LTF: variants seen among roughly 807,000 people sequenced by gnomAD.
LTF encodes the protein epididymis luminal protein 110.
LTF carries 91 observed loss-of-function variants against 87.2 expected under a neutral mutation model. The ratio of observed to expected loss-of-function variants is 1.04; its 90% CI spans 0.88 to 1.24. The LOEUF is 1.24. Among genes scored for constraint, LTF ranks in the 50% most tolerant of loss-of-function variants. The probability of loss-of-function intolerance (pLI) is 0.00; values close to 1 mark genes in which losing one functional copy is unlikely to be tolerated. For synonymous variants in LTF, 378 were observed against 356.1 expected, an observed-to-expected ratio of 1.06 and a Z score of -0.69; for missense variants, 901 against 904.3, an observed-to-expected ratio of 1.00 and a Z score of 0.05.
chr3:46,475,727 G>A (rs187736606), intron 1 of LTF, among the ~76,000 whole-genome samples: 2 of 152,222 alleles, frequency 1.3e-5, no homozygotes, highest in Admixed American at 1.3e-4. Flanking sequence ...CTCATATGGA[G>A]AAATATAAAA....
At chr3:46,444,281 T>A (rs1702593170) in intron 12 of LTF, among the ~76,000 whole-genome samples, 1 of 152,180 alleles carries the variant, frequency 6.6e-6, no homozygotes. Flanking sequence ...AGACCCCATA[T>A]TGTCTTCATA....
At position 46,482,560 on chromosome 3, in the gene LTF, G is replaced by GAAGGGAAGGGAAGGA. The variant is rs1559614578; in HGVS notation, c.-320+2425_-320+2426insTCCTTCCCTTCCCTT. Among the ~76,000 whole-genome samples, 22 of 52,332 alleles carry GAAGGGAAGGGAAGGA rather than the reference G, an allele frequency of 4.2e-4. 4 individuals are homozygous for GAAGGGAAGGGAAGGA. Among genetic ancestry groups the GAAGGGAAGGGAAGGA allele is most frequent in the African/African-American group, 1.5e-3 (19 of 12,580 alleles). The allele number at this position is 52,332 out of a possible 152,430, so 34.3% of individuals were successfully genotyped here. A position where few individuals can be genotyped will look rare whatever the true frequency, so the allele number is the denominator to read the frequency against. On this transcript the variant is annotated intron_variant, in intron 1 of 19. Coordinates refer to the LTF transcript ENST00000443496. ...GAAGGGAAGGGAAGGGAAGGGAAGG[G>GAAGGGAAGGGAAGGA]AAGGGAAGGGAAAGGAAAGGAAGGG...
At chr3:46,478,574 G>C (rs952374147) in intron 1 of LTF, among the ~76,000 whole-genome samples, 3 of 152,308 alleles carry the variant, frequency 2.0e-5, no homozygotes, top group African/African-American at 7.2e-5. Flanking sequence ...AGCTGGATGA[G>C]GAAGCAGCCG....
At chr3:46,475,565 CA>C (rs1703350766) in intron 1 of LTF, among the ~76,000 whole-genome samples, 6 of 146,654 alleles carry the variant, frequency 4.1e-5, no homozygotes, top group African/African-American at 7.8e-5. Flanking sequence ...CACACACACA[CA>C]CCCTCTCTTC....
chr3:46,456,837 A>G (rs748405570), intron 2 of LTF, among the ~76,000 whole-genome samples: 9 of 152,312 alleles, frequency 5.9e-5, no homozygotes, highest in Non-Finnish European at 1.3e-4. Context: ...ACATGATTAC[A>G]TATTTCTTTG....
chr3:46,471,779 C>A (rs1703289850), intron 1 of LTF, among the ~76,000 whole-genome samples: 1 of 152,246 alleles, frequency 6.6e-6, no homozygotes, highest in Non-Finnish European at 1.5e-5. Context: ...GGACCTACTT[C>A]TCCTACTGAA....
At chr3:46,446,301 ACCCTTAAAATTATTGC>A in intron 11 of LTF, 123 bp downstream of exon 11, 1 of 182,250 alleles carries the variant, frequency 5.5e-6, no homozygotes, top group Non-Finnish European at 9.9e-6. Flanking sequence ...AATTATTTGC[ACCCTTAAAATTATTGC>A]TCCTAGAAGC....
intron 13 of LTF, chr3:46,442,027 T>C (rs1328695749): frequency 6.7e-6 from 1 of 148,962 alleles, no homozygotes; most frequent in Non-Finnish European, 1.5e-5. Flanking sequence ...TGGCAGACAG[T>C]TTGGGGATGA....
intron 15 of LTF, among the ~76,000 whole-genome samples, 179 bp from the exon 16 acceptor site, chr3:46,438,308 G>A (rs1242351821): frequency 6.6e-6 from 1 of 152,120 alleles, no homozygotes; most frequent in Non-Finnish European, 1.5e-5. Context: ...ACTCCTGGTG[G>A]CAGGCCCGCC....
rs770569791 is a variant in LTF, at chr3:46,436,229, G to GTA, written c.2099-1_2099insTA (p.Pro700LeufsTer77). 14 of 1,613,600 alleles carry GTA rather than the reference G, an allele frequency of 8.7e-6. No individual in the cohort carries two copies. The highest frequency in any genetic ancestry group is 1.1e-5 in the Non-Finnish European group (13 of 1,179,596). ...GAGGAATTCACAGGCTTCCAGGAGG[G>GTA]CTGTGGGACACAACAGAGCAAGAGA... On this transcript the variant is annotated frameshift_variant and splice_region_variant. Transcript: ENST00000231751. LOFTEE classifies it high-confidence loss of function.
chr3:46,446,480 G>A lies in LTF; in HGVS notation c.1317C>T (p.Ser439=). Reference sequence around the variant, plus strand: ...CCACACAGTTAGGATCAGGGTCACTGCTTTGTTGGGATTCTGAAAGAATAA... The same window carrying A: ...CCACACAGTTAGGATCAGGGTCACTACTTTGTTGGGATTCTGAAAGAATAA... ...VLAENYKSQQ[S]SDPDPNCVDR... The change falls in exon 11 of 17, where the codon AGC becomes AGT. Residue 439 remains serine, a synonymous_variant. Coordinates refer to ENST00000231751, the MANE Select transcript of LTF (RefSeq NM_002343.6). 6.2e-7 allele frequency: 1 copy of A among 1,613,740 alleles called. No homozygotes were observed. The highest frequency in any genetic ancestry group is 8.5e-7 in the Non-Finnish European group (1 of 1,179,758).
intron 2 of LTF, among the ~76,000 whole-genome samples, chr3:46,458,086 G>A (rs1169416863): frequency 6.6e-6 from 1 of 152,030 alleles, no homozygotes; most frequent in Non-Finnish European, 1.5e-5. Context: ...GCCCGGCCTT[G>A]AGTTATTCTT....
chr3:46,473,318 A>G (rs560417116), intron 1 of LTF, among the ~76,000 whole-genome samples: 1 of 151,958 alleles, frequency 6.6e-6, no homozygotes, highest in South Asian at 2.1e-4. Flanking sequence ...ATTCTACTCT[A>G]CTCTGGCAAT....
chr3:46,456,750 A>G (rs550721188), intron 2 of LTF, among the ~76,000 whole-genome samples: 19 of 152,336 alleles, frequency 1.2e-4, no homozygotes, highest in Admixed American at 1.0e-3. Context: ...GTTTTATTGG[A>G]TAGAAAATAT....
intron 9 of LTF, 94 bp from the exon 10 acceptor site, chr3:46,447,492 G>A: frequency 3.4e-6 from 3 of 869,596 alleles, no homozygotes; most frequent in East Asian, 4.8e-5. Context: ...TTTCTGTCAG[G>A]TGACCAGTGA....
intron 1 of LTF, among the ~76,000 whole-genome samples, chr3:46,483,304 G>A (rs533916067): frequency 2.8e-4 from 42 of 152,324 alleles, no homozygotes; most frequent in Middle Eastern, 3.4e-3. Context: ...CTAGGTGTAC[G>A]CCCAGCAGAA....
At chr3:46,483,375 A>G (rs554000864) in intron 1 of LTF, among the ~76,000 whole-genome samples, 4 of 152,368 alleles carry the variant, frequency 2.6e-5, no homozygotes, top group African/African-American at 9.6e-5. Context: ...TTGTCCATAC[A>G]TGTCCCAAAT....
chr3:46,437,550 C>T (rs1398374413), intron 16 of LTF, among the ~76,000 whole-genome samples: 2 of 151,954 alleles, frequency 1.3e-5, no homozygotes, highest in Non-Finnish European at 2.9e-5. Flanking sequence ...CTCAAACTCC[C>T]GGGCTCAAGC....
At chr3:46,463,240 A>G (rs976808800) in intron 1 of LTF, among the ~76,000 whole-genome samples, 1 of 152,226 alleles carries the variant, frequency 6.6e-6, no homozygotes, top group Non-Finnish European at 1.5e-5. Context: ...CTGGGCAGAC[A>G]TGCAGTGCGC....
Sources: gnomAD v4.1 joint callset for allele counts (sites outside exome capture counted in the v4.1 genomes callset) on GRCh38, gnomAD v4.1.1 for gene constraint, MANE v1.5 for transcripts, NCBI Gene and HGNC (gene_info 2026-07-23, HGNC 2026-07-21) for gene names.